The following PCDH15 variants were observed in gnomAD, a reference collection of about 807,000 sequenced individuals.
PCDH15 encodes protocadherin related 15.
A neutral mutation model predicts 178.5 loss-of-function variants in PCDH15; 129 were observed. That is an observed-to-expected ratio of 0.72 (90% CI 0.63 to 0.84). PCDH15 has a LOEUF of 0.84. Among genes scored for constraint, PCDH15 ranks in the 40% least tolerant of loss-of-function variants. The pLI is 0.00. For missense variants in PCDH15, 2,230 were observed against 2,099.9 expected, an observed-to-expected ratio of 1.06 and a Z score of -1.21; for synonymous variants, 800 against 732.0, an observed-to-expected ratio of 1.09 and a Z score of -1.50.
At chr10:54,120,875 A>G (rs1443114884) in intron 15 of PCDH15, among the ~76,000 whole-genome samples, 1 of 152,128 alleles carries the variant, frequency 6.6e-6, no homozygotes, top group Non-Finnish European at 1.5e-5. Flanking sequence ...AGCATTAAAC[A>G]GATTGTCAAG....
rs569184651 is a variant in PCDH15 at position 54,405,024 on chromosome 10, A to C, written c.158-26082T>G. Among the ~76,000 whole-genome samples, 45 of 152,208 alleles carry C rather than the reference A, an allele frequency of 3.0e-4. 1 individual carries two copies. The highest frequency in any genetic ancestry group is 3.4e-3 in the Middle Eastern group (1 of 292). ...ATAGCAGATGCCAGTGAGGTTGCAG[A>C]AAAAAAGCAATGCTTATACACTGCT... On this transcript the variant is annotated intron_variant, in intron 3 of 37. Transcript: ENST00000644397.
intron 2 of PCDH15, among the ~76,000 whole-genome samples, chr10:54,920,729 A>G (rs973283012): frequency 1.3e-5 from 2 of 152,212 alleles, no homozygotes; most frequent in Non-Finnish European, 2.9e-5. Context: ...AGTTTGATGA[A>G]TAAGAATCAT....
intron 28 of PCDH15, among the ~76,000 whole-genome samples, chr10:53,856,579 T>C (rs1247171305): frequency 2.6e-5 from 4 of 152,088 alleles, no homozygotes; most frequent in Admixed American, 1.3e-4. Flanking sequence ...TTTGAGTAAA[T>C]TGGAGCCACA....
intron 2 of PCDH15, among the ~76,000 whole-genome samples, chr10:55,480,140 T>G (rs1840148159): frequency 6.6e-6 from 1 of 151,592 alleles, no homozygotes; most frequent in African/African-American, 2.4e-5. Flanking sequence ...CATGGAATGT[T>G]TTTTGCTTCT....
chr10:55,049,852 G>C (rs564599538), intron 2 of PCDH15, among the ~76,000 whole-genome samples: 1 of 152,104 alleles, frequency 6.6e-6, no homozygotes, highest in Non-Finnish European at 1.5e-5. Context: ...CAGAAGATCT[G>C]CTGACATGCT....
chr10:54,002,258 A>C (rs1007589574), intron 20 of PCDH15, among the ~76,000 whole-genome samples: 1 of 152,062 alleles, frequency 6.6e-6, no homozygotes, highest in East Asian at 1.9e-4. Context: ...GGAAACTTCA[A>C]CATCCCACTT....
intron 18 of PCDH15, among the ~76,000 whole-genome samples, chr10:54,029,426 T>C (rs2093225166): frequency 6.6e-6 from 1 of 152,156 alleles, no homozygotes; most frequent in South Asian, 2.1e-4. Context: ...CTGTCCATGG[T>C]TAACACATTT....
At chr10:53,828,207 CAAAAAAAAAAAAAAA>C (rs71004480) in intron 31 of PCDH15, among the ~76,000 whole-genome samples, 11 of 53,760 alleles carry the variant, frequency 2.0e-4, no homozygotes, top group African/African-American at 5.0e-4. Context: ...AAGTCCGTCT[CAAAAAAAAAAAAAAA>C]AAAAAAAAAA....
chr10:54,407,931 C>T (rs993801255), intron 3 of PCDH15, among the ~76,000 whole-genome samples: 8 of 151,256 alleles, frequency 5.3e-5, no homozygotes, highest in African/African-American at 1.5e-4. Flanking sequence ...GGCTCACTCT[C>T]GTAATCCCAG....
At chr10:54,173,429 T>A (rs1343622591) in intron 13 of PCDH15, among the ~76,000 whole-genome samples, 1 of 152,194 alleles carries the variant, frequency 6.6e-6, no homozygotes, top group Non-Finnish European at 1.5e-5. Context: ...CAGTTTAGCA[T>A]CTCAAGAGTC....
Position 55,173,309 on chromosome 10 carries a change from A to ATGTGTGTGTGTGTGTGTGTGTG in PCDH15, c.-155-6680_-155-6659dup, listed in dbSNP as rs775260037. On this transcript the variant is annotated intron_variant, in intron 1 of 5. Transcript: ENST00000458638. ...CCTTTGATTCTATATTAGAAAGATT[A>ATGTGTGTGTGTGTGTGTGTGTG]TGTGTGTGTGTGTGTGTGTGTGTGT... Among the ~76,000 whole-genome samples the ATGTGTGTGTGTGTGTGTGTGTG allele has an allele frequency of 7.4e-4, 99 of 133,012 alleles. 1 individual carries two copies. The highest frequency in any genetic ancestry group is 1.1e-3 in the Non-Finnish European group (71 of 62,458). The allele number at this position is 133,012 out of a possible 152,430, so 87.3% of individuals were successfully genotyped here.
At chr10:54,421,889 CACACACTATATATATAT>C (rs1449644181) in intron 3 of PCDH15, among the ~76,000 whole-genome samples, 15,193 of 107,636 alleles carry the variant, frequency 0.14, 1,970 homozygotes, top group African/African-American at 0.26. Flanking sequence ...TATATACACA[CACACACTATATATATAT>C]ATACACTATA....
chr10:55,536,996 C>T, intron 2 of PCDH15, among the ~76,000 whole-genome samples: 1 of 151,730 alleles, frequency 6.6e-6, no homozygotes, highest in East Asian at 1.9e-4. Context: ...TTTTTCTGTC[C>T]TGTCCTTTCA....
At chr10:53,869,185 C>T (rs993855798) in intron 26 of PCDH15, among the ~76,000 whole-genome samples, 1 of 152,100 alleles carries the variant, frequency 6.6e-6, no homozygotes, top group Non-Finnish European at 1.5e-5. Flanking sequence ...TACAGCATGG[C>T]AGAGCTCAGT....
intron 1 of PCDH15, among the ~76,000 whole-genome samples, chr10:55,229,623 A>T (rs1841154434): frequency 6.6e-6 from 1 of 152,106 alleles, no homozygotes; most frequent in Non-Finnish European, 1.5e-5. Flanking sequence ...TGATAAGTCA[A>T]ACATGGAAAA....
At chr10:55,128,558 A>G (rs1227243739) in intron 2 of PCDH15, among the ~76,000 whole-genome samples, 1 of 151,970 alleles carries the variant, frequency 6.6e-6, no homozygotes, top group African/African-American at 2.4e-5. Context: ...TTGCTCACAC[A>G]TATTTCTATC....
chr10:55,230,020 A>G (rs1841165084), intron 1 of PCDH15, among the ~76,000 whole-genome samples: 1 of 152,060 alleles, frequency 6.6e-6, no homozygotes. Flanking sequence ...GGAGTAACAA[A>G]TTAAGCATTT....
intron 2 of PCDH15, among the ~76,000 whole-genome samples, chr10:54,614,653 C>T (rs996451957): frequency 6.6e-6 from 1 of 151,790 alleles, no homozygotes; most frequent in Non-Finnish European, 1.5e-5. Flanking sequence ...TACAAATAAG[C>T]TTCTGGTCAG....
chr10:53,949,454 T>A (rs1019480086), intron 23 of PCDH15, among the ~76,000 whole-genome samples: 1 of 152,250 alleles, frequency 6.6e-6, no homozygotes, highest in African/African-American at 2.4e-5. Flanking sequence ...AGACAAATCA[T>A]TCTTTCCAAA....
Sources: gnomAD v4.1 joint callset for allele counts (sites outside exome capture counted in the v4.1 genomes callset) on GRCh38, gnomAD v4.1.1 for gene constraint, MANE v1.5 for transcripts, NCBI Gene and HGNC (gene_info 2026-07-23, HGNC 2026-07-21) for gene names.